The following RLBP1 variants were observed in gnomAD, a reference collection of about 807,000 sequenced individuals.
RLBP1 encodes the protein retinaldehyde-binding protein 1.
In RLBP1, 26 loss-of-function variants were observed where a neutral mutation model predicts 36.2. The observed-to-expected ratio is 0.72, with a 90% CI of 0.53 to 1.00. RLBP1 has a LOEUF of 1.00. Ranked by LOEUF, RLBP1 falls within the 50% of genes least tolerant of loss-of-function variation. RLBP1 has a pLI of 0.00. For missense variants in RLBP1, 410 were observed against 402.4 expected (o/e 1.02, Z -0.16); for synonymous variants, 155 against 156.2 (o/e 0.99, Z 0.06).
Position 89,219,304 on chromosome 15 carries a change from G to A in RLBP1, c.-100-229C>T, listed in dbSNP as rs192492962. Among the ~76,000 whole-genome samples the A allele has an allele frequency of 3.0e-3, 458 of 152,300 alleles. 3 individuals carry two copies. The highest frequency in any genetic ancestry group is 0.01 in the African/African-American group (417 of 41,558). On this transcript the variant is annotated intron_variant, in intron 2 of 8. Coordinates refer to ENST00000268125, the MANE Select transcript of RLBP1 (RefSeq NM_000326.5). ...CTTGGGCTACACTTTGGGAAACACT[G>A]CTTGGACAAAGGGCACAGACACAAA...
Position 89,218,490 on chromosome 15 carries a change from GGA to G in RLBP1, c.141+73_141+74del. On this transcript the variant is annotated intron_variant, in intron 4 of 8. Coordinates refer to ENST00000268125, the MANE Select transcript of RLBP1 (RefSeq NM_000326.5). The surrounding 1 kb of genome is among the most constrained non-coding windows in gnomAD (Gnocchi z 4.6). ...GTGCCGAGGCTGGACCCTTTTCACA[GGA>G]GAGAGAATGCAGTCATGTTCCCCTC... 1 of 1,602,844 alleles carries G rather than the reference GGA, an allele frequency of 6.2e-7. No individual in the cohort carries two copies. Among genetic ancestry groups the G allele is most frequent in the Non-Finnish European group, 8.5e-7 (1 of 1,171,746 alleles).
At chr15:89,215,472 A>C (rs142033664) in intron 5 of RLBP1, among the ~76,000 whole-genome samples, 3 of 152,346 alleles carry the variant, frequency 2.0e-5, no homozygotes, top group African/African-American at 7.2e-5. Context: ...GTGGCAATCA[A>C]ATGAGATTCA....
At position 89,211,635 on chromosome 15, in the gene RLBP1, C is replaced by T. The variant is rs190162379; in HGVS notation, c.684+108G>A. ...GTGGCTGTCACTGCTCTTTATGGCG[C>T]GAGGTGGTCCAACTTCTCAGTTCCC... On this transcript the variant is annotated intron_variant, in intron 7 of 8. Transcript: ENST00000268125. This position sits in a 1 kb window ranked among gnomAD's most constrained non-coding sequence, Gnocchi z 5.8. 615 of 1,154,512 alleles carry T rather than the reference C, an allele frequency of 5.3e-4. No individual in the cohort carries two copies. In the African/African-American group the frequency reaches 8.0e-3, roughly 15 times the overall value. The allele number at this position is 1,154,512 out of a possible 1,614,324, so 71.5% of individuals were successfully genotyped here. A position where few individuals can be genotyped will look rare whatever the true frequency, so the allele number is the denominator to read the frequency against.
rs749216002 is a variant in RLBP1, at chr15:89,211,927, A to G, written c.526-26T>C. 6.2e-7 allele frequency: 1 copy of G among 1,613,578 alleles called. No homozygotes were observed. Among genetic ancestry groups the G allele is most frequent in the Non-Finnish European group, 8.5e-7 (1 of 1,179,734 alleles). ...CTTGGGCACAGAGAGAACAGGCTGTAAGATCTAACCCGCAACAATAATTAA... is the reference window on the plus strand; with the variant it reads ...CTTGGGCACAGAGAGAACAGGCTGTGAGATCTAACCCGCAACAATAATTAA... On this transcript the variant is annotated intron_variant, in intron 6 of 8. Coordinates refer to ENST00000268125, the MANE Select transcript of RLBP1 (RefSeq NM_000326.5). This position sits in a 1 kb window ranked among gnomAD's most constrained non-coding sequence, Gnocchi z 5.8.
chr15:89,218,447 G>A lies in RLBP1; in HGVS notation c.141+118C>T. The A allele has an allele frequency of 6.8e-7, 1 of 1,461,052 alleles. No homozygotes were observed. The highest frequency in any genetic ancestry group is 9.5e-7 in the Non-Finnish European group (1 of 1,052,132). 90.5% of individuals were successfully genotyped at this position (1,461,052 alleles called of 1,614,324 possible). On this transcript the variant is annotated intron_variant, in intron 4 of 8. Coordinates refer to ENST00000268125, the MANE Select transcript of RLBP1 (RefSeq NM_000326.5). The surrounding 1 kb of genome is among the most constrained non-coding windows in gnomAD (Gnocchi z 4.6). Reference sequence around the variant, plus strand: ...GACCTTAGAACCGGCCAGTCTATCAGGTCCAGGATGATCTGGAGTGCCGAG... The same window carrying A: ...GACCTTAGAACCGGCCAGTCTATCAAGTCCAGGATGATCTGGAGTGCCGAG...
chr15:89,217,997 T>C (rs1689176200), intron 4 of RLBP1, among the ~76,000 whole-genome samples: 2 of 152,116 alleles, frequency 1.3e-5, no homozygotes, highest in South Asian at 4.1e-4. Context: ...TCCCTTGAGA[T>C]GCCCAAGGAA....
At chr15:89,219,915 G>C (rs971799917) in intron 1 of RLBP1, 56 bp from the exon 2 acceptor site, 2 of 152,210 alleles carry the variant, frequency 1.3e-5, no homozygotes, top group African/African-American at 4.8e-5. Context: ...GCAATGCTTG[G>C]TTACCAGAAC....
At position 89,218,889 on chromosome 15, in the gene RLBP1, A is replaced by T; in HGVS notation, c.12+75T>A. 6.4e-7 allele frequency: 1 copy of T among 1,561,896 alleles called. No homozygotes were observed. The highest frequency in any genetic ancestry group is 8.8e-7 in the Non-Finnish European group (1 of 1,136,332). ...GGGCAGAGCATAAGATAGAGAAGTA[A>T]GGAGGGAGGGAGAGGGAAGAGAGAG... is the stretch of plus-strand genomic sequence containing the variant. On this transcript the variant is annotated intron_variant, in intron 3 of 8. Transcript: ENST00000268125. The surrounding 1 kb of genome is among the most constrained non-coding windows in gnomAD (Gnocchi z 4.6).
Position 89,218,167 on chromosome 15 carries a change from T to C in RLBP1, c.141+398A>G, listed in dbSNP as rs1022220387. Reference sequence around the variant, plus strand: ...AGATACAGAAGGCAAGACCCAGAGATGGAAAGCAATCTGCCTAAGGTCACA... The same window carrying C: ...AGATACAGAAGGCAAGACCCAGAGACGGAAAGCAATCTGCCTAAGGTCACA... On this transcript the variant is annotated intron_variant, in intron 4 of 8. Coordinates refer to ENST00000268125, the MANE Select transcript of RLBP1 (RefSeq NM_000326.5). The surrounding 1 kb of genome is among the most constrained non-coding windows in gnomAD (Gnocchi z 4.6). Among the ~76,000 whole-genome samples, 1 of 152,088 alleles carries C rather than the reference T, an allele frequency of 6.6e-6. No homozygotes were observed. Among genetic ancestry groups the C allele is most frequent in the African/African-American group, 2.4e-5 (1 of 41,416 alleles).
chr15:89,212,609 TGTGTGTGTGTGTGCGC>T (rs1455610792), intron 6 of RLBP1, among the ~76,000 whole-genome samples: 2,668 of 112,890 alleles, frequency 0.024, 85 homozygotes, highest in African/African-American at 0.1. Context: ...AAAAGAAAAA[TGTGTGTGTGTGTGCGC>T]GTGTGTGTGT....
Position 89,210,928 on chromosome 15 carries a change from C to G in RLBP1, c.685-119G>C. 2 of 705,518 alleles carry G rather than the reference C, an allele frequency of 2.8e-6. No homozygotes were observed. The highest frequency in any genetic ancestry group is 6.3e-5 in the East Asian group (2 of 31,806). 43.7% of individuals were successfully genotyped at this position (705,518 alleles called of 1,614,324 possible). A position where few individuals can be genotyped will look rare whatever the true frequency, so the allele number is the denominator to read the frequency against. On this transcript the variant is annotated intron_variant, in intron 7 of 8. Coordinates refer to ENST00000268125, the MANE Select transcript of RLBP1 (RefSeq NM_000326.5). This position sits in a 1 kb window ranked among gnomAD's most constrained non-coding sequence, Gnocchi z 4.7. Reference sequence around the variant, plus strand: ...AGACTTGTCCAGCATCACAGGGCTGCCCTGGAGAAGGGCCCACTGAAGGTC... The same window carrying G: ...AGACTTGTCCAGCATCACAGGGCTGGCCTGGAGAAGGGCCCACTGAAGGTC...
intron 1 of RLBP1, among the ~76,000 whole-genome samples, 200 bp from the exon 2 acceptor site, chr15:89,220,059 C>T (rs2051614414): frequency 6.6e-6 from 1 of 152,200 alleles, no homozygotes; most frequent in Non-Finnish European, 1.5e-5. Context: ...CACCATCCTG[C>T]TCCTGCATGT....
In RLBP1 at chr15:89,211,731, T is replaced by A; in HGVS notation, c.684+12A>T. 1 of 1,613,182 alleles carries A rather than the reference T, an allele frequency of 6.2e-7. No homozygotes were observed. ...GTGGGAGGCTGCCGTGCGACAGAAC[T>A]CTAAGCCTCACCTGGAGCATGTCCA... On this transcript the variant is annotated intron_variant, in intron 7 of 8. Transcript: ENST00000268125. This position sits in a 1 kb window ranked among gnomAD's most constrained non-coding sequence, Gnocchi z 5.8.
At chr15:89,216,987 A>G in intron 5 of RLBP1, 133 bp downstream of exon 5, 3 of 862,380 alleles carry the variant, frequency 3.5e-6, no homozygotes, top group Middle Eastern at 3.2e-4. Context: ...TTTACAGGTA[A>G]GGATGTGGAG....
chr15:89,217,565 A>T (rs1238883969), intron 4 of RLBP1, among the ~76,000 whole-genome samples: 1 of 152,242 alleles, frequency 6.6e-6, no homozygotes, highest in African/African-American at 2.4e-5. Context: ...TCTAAAAATG[A>T]CTGCCTACAC....
At position 89,218,777 on chromosome 15, in the gene RLBP1, TC is replaced by T; in HGVS notation, c.13-85del. The T allele has an allele frequency of 6.2e-7, 1 of 1,600,914 alleles. No homozygotes were observed. Among genetic ancestry groups the T allele is most frequent in the South Asian group, 1.1e-5 (1 of 90,358 alleles). ...AAATGGGCCTGCTCAGACCTTCAGTTCTTTTGCCCAAGGTCATTGTTAAGCC... is the reference window on the plus strand; with the variant it reads ...AAATGGGCCTGCTCAGACCTTCAGTTTTTTGCCCAAGGTCATTGTTAAGCC... On this transcript the variant is annotated intron_variant, in intron 3 of 8. Coordinates refer to ENST00000268125, the MANE Select transcript of RLBP1 (RefSeq NM_000326.5). The surrounding 1 kb of genome is among the most constrained non-coding windows in gnomAD (Gnocchi z 4.6).
chr15:89,214,926 G>T lies in RLBP1; in HGVS notation c.525+134C>A. 1.1e-6 allele frequency: 1 copy of T among 888,170 alleles called. No homozygotes were observed. The highest frequency in any genetic ancestry group is 1.8e-6 in the Non-Finnish European group (1 of 547,188). 55.0% of individuals were successfully genotyped at this position (888,170 alleles called of 1,614,324 possible). A position where few individuals can be genotyped will look rare whatever the true frequency, so the allele number is the denominator to read the frequency against. On this transcript the variant is annotated intron_variant, in intron 6 of 8. Transcript: ENST00000268125. This position sits in a 1 kb window ranked among gnomAD's most constrained non-coding sequence, Gnocchi z 4.6. ...TCTCCCTGCCTGGAAAGGGCTAGGT[G>T]GCAGGTGGCTGCCCACCTTTCCCCC...
chr15:89,212,753 G>T (rs1179199323), intron 6 of RLBP1, among the ~76,000 whole-genome samples: 3 of 151,356 alleles, frequency 2.0e-5, no homozygotes, highest in African/African-American at 7.3e-5. Context: ...TTTTGAGATG[G>T]AGTCTTGCTC....
chr15:89,210,457 A>T lies in RLBP1; in HGVS notation c.796-14T>A. ...GTGGACAAAGACCTGCAGGGAAGCA[A>T]GGGAGACAGAACTGAGCAGGAGGAG... On this transcript the variant is annotated splice_polypyrimidine_tract_variant and intron_variant, in intron 8 of 8. Coordinates refer to ENST00000268125, the MANE Select transcript of RLBP1 (RefSeq NM_000326.5). The surrounding 1 kb of genome is among the most constrained non-coding windows in gnomAD (Gnocchi z 4.7). 1 of 1,614,062 alleles carries T rather than the reference A, an allele frequency of 6.2e-7. No individual in the cohort carries two copies. The highest frequency in any genetic ancestry group is 8.5e-7 in the Non-Finnish European group (1 of 1,179,958).
Sources: gnomAD v4.1 joint callset for allele counts (sites outside exome capture counted in the v4.1 genomes callset) on GRCh38, gnomAD v4.1.1 for gene constraint, Gnocchi (gnomAD v3.1) non-coding constraint, MANE v1.5 for transcripts, NCBI Gene and HGNC (gene_info 2026-07-23, HGNC 2026-07-21) for gene names.